TIAM1: variants seen among roughly 807,000 people sequenced by gnomAD.
TIAM1 encodes the protein TIAM Rac1 associated GEF 1, also known as rho guanine nucleotide exchange factor TIAM1.
Under a neutral mutation model 163.5 loss-of-function variants are expected in TIAM1, and 65 were observed. The observed-to-expected ratio is 0.40, with a 90% CI of 0.33 to 0.49. The LOEUF is 0.49. Among genes scored for constraint, TIAM1 ranks in the 20% least tolerant of loss-of-function variants. The pLI is 0.77. For synonymous variants in TIAM1, 833 were observed against 810.1 expected, an observed-to-expected ratio of 1.03 and a Z score of -0.48; for missense variants, 1,789 against 2,044.7, an observed-to-expected ratio of 0.87 and a Z score of 2.41.
chr21:31,548,170 C>T lies in TIAM1; in HGVS notation c.-422+10757G>A, dbSNP rs141308604. On this transcript the variant is annotated intron_variant, in intron 1 of 28. Coordinates refer to the TIAM1 transcript ENST00000286827. ...TTTTTTTTTTTTGCTGAGAGAGTCC[C>T]GCTGTGTCACCCAGGCTGGAGTACA... Among the ~76,000 whole-genome samples, 1,025 of 130,450 alleles carry T rather than the reference C, an allele frequency of 7.9e-3. 5 individuals carry two copies. Among genetic ancestry groups the T allele is most frequent in the Middle Eastern group, 0.043 (8 of 186 alleles). The allele number at this position is 130,450 out of a possible 152,430, so 85.6% of individuals were successfully genotyped here. A position where few individuals can be genotyped will look rare whatever the true frequency, so the allele number is the denominator to read the frequency against.
At chr21:31,352,600 C>T (rs2147119364) in intron 2 of TIAM1, among the ~76,000 whole-genome samples, 1 of 150,036 alleles carries the variant, frequency 6.7e-6, no homozygotes, top group Non-Finnish European at 1.5e-5. Flanking sequence ...GCCTAAAATC[C>T]CAGCACTTTG....
chr21:31,122,850 G>A (rs2082053987), intron 27 of TIAM1, among the ~76,000 whole-genome samples: 1 of 152,166 alleles, frequency 6.6e-6, no homozygotes, highest in Non-Finnish European at 1.5e-5. Context: ...CAGTCTTTCA[G>A]GGATGCAATC....
intron 2 of TIAM1, among the ~76,000 whole-genome samples, chr21:31,420,307 A>G (rs879570632): frequency 9.2e-5 from 14 of 152,160 alleles, no homozygotes; most frequent in Admixed American, 2.0e-4. Flanking sequence ...ATCAGCCTCC[A>G]TGTCTGTAAA....
chr21:31,226,605 A>G (rs2833345), intron 6 of TIAM1, among the ~76,000 whole-genome samples: 8,125 of 152,268 alleles, frequency 0.053, 317 homozygotes, highest in Non-Finnish European at 0.082. Context: ...GGTGACCTGC[A>G]TGGGATTGGT....
chr21:31,372,196 T>A (rs2076607602), intron 2 of TIAM1, among the ~76,000 whole-genome samples: 1 of 152,152 alleles, frequency 6.6e-6, no homozygotes, highest in Non-Finnish European at 1.5e-5. Flanking sequence ...AACTCTTTTC[T>A]CCCATTAAAA....
chr21:31,311,763 T>C (rs190751070), intron 2 of TIAM1, among the ~76,000 whole-genome samples: 1 of 152,172 alleles, frequency 6.6e-6, no homozygotes, highest in African/African-American at 2.4e-5. Context: ...CTTGATTGGA[T>C]TGAGGGATGC....
chr21:31,146,199 G>A (rs144547012), intron 20 of TIAM1, among the ~76,000 whole-genome samples: 1,666 of 152,194 alleles, frequency 0.011, 30 homozygotes, highest in African/African-American at 0.039. Context: ...GTAGGAGGCC[G>A]AGGTGGGCGG....
intron 2 of TIAM1, among the ~76,000 whole-genome samples, chr21:31,419,563 T>C (rs2043492444): frequency 6.6e-6 from 1 of 152,228 alleles, no homozygotes; most frequent in Non-Finnish European, 1.5e-5. Flanking sequence ...GGACACTAAT[T>C]CAGCAATAAT....
Position 31,130,285 on chromosome 21 carries a change from C to T in TIAM1, c.3973G>A (p.Asp1325Asn), listed in dbSNP as rs1166849329. 2 of 1,614,040 alleles carry T rather than the reference C, an allele frequency of 1.2e-6. No homozygotes were observed. Among genetic ancestry groups the T allele is most frequent in the Non-Finnish European group, 1.7e-6 (2 of 1,180,000 alleles). Residue 1325 changes from aspartate to asparagine, a missense_variant, in exon 25 of 28, where the codon GAC becomes AAC. Asp to Asn is a conservative substitution (Grantham distance 23). This residue lies in a region of TIAM1 where 415 missense variants were observed against 439.2 expected (regional missense o/e 0.94). Transcript: ENST00000541036. ...TGTCGAAATCTGAAGGGGTCCCAGT[C>T]CTCATAAATGGAAAGCCTGTGAGAT... ...VGSHRLSIYE[D>N]WDPFRFRHMI... is the part of the protein sequence containing the mutation.
intron 12 of TIAM1, among the ~76,000 whole-genome samples, chr21:31,198,421 A>G (rs751807432): frequency 1.3e-5 from 2 of 152,226 alleles, no homozygotes; most frequent in Non-Finnish European, 2.9e-5. Context: ...TGTCAAGGGC[A>G]TGACTGAATG....
intron 10 of TIAM1, among the ~76,000 whole-genome samples, chr21:31,210,692 A>G (rs1287887080): frequency 1.1e-4 from 10 of 87,648 alleles, no homozygotes; most frequent in South Asian, 7.6e-4. Flanking sequence ...AGAAAAAGAA[A>G]GAAAGAAAGA....
intron 2 of TIAM1, among the ~76,000 whole-genome samples, chr21:31,410,366 C>T (rs979011913): frequency 1.3e-4 from 20 of 151,362 alleles, no homozygotes; most frequent in Middle Eastern, 6.8e-3. Context: ...GTGTGAGCAA[C>T]TGTGTGTAAG....
chr21:31,237,180 G>C (rs2070938658), intron 6 of TIAM1, among the ~76,000 whole-genome samples: 1 of 152,218 alleles, frequency 6.6e-6, no homozygotes, highest in Non-Finnish European at 1.5e-5. Flanking sequence ...GTCTTGCAGG[G>C]ACCATACCTC....
chr21:31,538,215 GTATGT>G (rs1421923523), intron 1 of TIAM1, among the ~76,000 whole-genome samples: 3 of 146,242 alleles, frequency 2.1e-5, no homozygotes, highest in Admixed American at 1.4e-4. Flanking sequence ...TTTTCTGTAT[GTATGT>G]TATATTTAAT....
chr21:31,447,358 C>T (rs185116257), intron 2 of TIAM1, among the ~76,000 whole-genome samples: 7 of 152,204 alleles, frequency 4.6e-5, no homozygotes, highest in African/African-American at 1.4e-4. Context: ...ACTGCTTGAG[C>T]ATAGGAGGTC....
intron 6 of TIAM1, among the ~76,000 whole-genome samples, chr21:31,244,694 C>T (rs2071401159): frequency 6.6e-6 from 1 of 152,160 alleles, no homozygotes; most frequent in Admixed American, 6.6e-5. Flanking sequence ...CACTGCACTT[C>T]CAGCATGGGT....
chr21:31,479,292 T>TA (rs906172917), intron 1 of TIAM1, among the ~76,000 whole-genome samples: 6 of 152,178 alleles, frequency 3.9e-5, no homozygotes, highest in East Asian at 1.9e-4. Flanking sequence ...GGACTTGATT[T>TA]AAAAAAACTC....
At chr21:31,311,168 TTTTG>T (rs975341197) in intron 2 of TIAM1, among the ~76,000 whole-genome samples, 8 of 99,840 alleles carry the variant, frequency 8.0e-5, no homozygotes, top group African/African-American at 3.0e-4. Context: ...TGTTTGTTTG[TTTTG>T]TTTTTTTTTT....
chr21:31,201,326 G>A (rs973459144), intron 12 of TIAM1, among the ~76,000 whole-genome samples: 2 of 152,132 alleles, frequency 1.3e-5, no homozygotes, highest in Admixed American at 1.3e-4. Flanking sequence ...TCTGTTAAAT[G>A]TACTGAACAC....
Sources: gnomAD v4.1 joint callset for allele counts (sites outside exome capture counted in the v4.1 genomes callset) on GRCh38, gnomAD v4.1.1 for gene constraint, gnomAD v4.1.1 regional missense constraint, MANE v1.5 for transcripts, NCBI Gene and HGNC (gene_info 2026-07-23, HGNC 2026-07-21) for gene names.